ADK: variants seen among roughly 807,000 people sequenced by gnomAD.
ADK encodes the protein N6,N6-dimethyladenosine kinase.
Under a neutral mutation model 44.7 loss-of-function variants are expected in ADK, and 24 were observed. The ratio of observed to expected loss-of-function variants is 0.54; its 90% CI spans 0.39 to 0.76. The LOEUF (loss-of-function observed/expected upper bound fraction) is 0.76. ADK is among the 30% of genes least tolerant of loss of function. The pLI is 0.00. For synonymous variants in ADK, 128 were observed against 142.6 expected, an observed-to-expected ratio of 0.90 and a Z score of 0.73; for missense variants, 321 against 425.1, an observed-to-expected ratio of 0.76 and a Z score of 2.15.
intron 4 of ADK, among the ~76,000 whole-genome samples, chr10:74,363,071 C>T (rs1458436296): frequency 1.3e-5 from 2 of 152,204 alleles, no homozygotes; most frequent in Non-Finnish European, 2.9e-5. Flanking sequence ...CTCATTGGCT[C>T]AGATTAGCAT....
rs552003519 is a variant in ADK at position 74,599,960 on chromosome 10, G to A, written c.763-419G>A. On this transcript the variant is annotated intron_variant, in intron 8 of 10. Transcript: ENST00000539909. ...AAAACCTCTCTTTAATTGGGAATTT[G>A]AAAACTGCCTGGATATTTGCTGATA... is the stretch of plus-strand genomic sequence containing the variant. Among the ~76,000 whole-genome samples, 17 of 152,146 alleles carry A rather than the reference G, an allele frequency of 1.1e-4. No individual in the cohort carries two copies. The East Asian group carries it at 3.1e-3, about 28-fold the overall frequency.
chr10:74,699,168 T>TC (rs1856319594), intron 10 of ADK, among the ~76,000 whole-genome samples: 1 of 118,758 alleles, frequency 8.4e-6, no homozygotes, highest in African/African-American at 3.2e-5. Context: ...TTTTTTTTTT[T>TC]AATACCTGCA....
At chr10:74,247,132 G>T (rs1845444316) in intron 3 of ADK, among the ~76,000 whole-genome samples, 1 of 150,736 alleles carries the variant, frequency 6.6e-6, no homozygotes, top group Non-Finnish European at 1.5e-5. Context: ...AGCCCAGAGA[G>T]GTTAGTTTAG....
Position 74,294,288 on chromosome 10 carries a change from C to CT in ADK, c.195-20364dup, listed in dbSNP as rs1215680885. On this transcript the variant is annotated intron_variant, in intron 3 of 10. Transcript: ENST00000539909. ...TCATATGCACATATTTCTTTTCTTTCTTTTTTTTTTTTTTTGAGATGAAGT... is the reference window on the plus strand; with the variant it reads ...TCATATGCACATATTTCTTTTCTTTCTTTTTTTTTTTTTTTTGAGATGAAGT... 6.8e-3 allele frequency among the ~76,000 whole-genome samples: 991 copies of CT among 145,628 alleles called. 11 individuals carry two copies. The highest frequency in any genetic ancestry group is 0.022 in the African/African-American group (890 of 39,624).
intron 6 of ADK, among the ~76,000 whole-genome samples, chr10:74,470,648 G>A: frequency 1.8e-5 from 1 of 56,260 alleles, no homozygotes; most frequent in Non-Finnish European, 4.8e-5. Flanking sequence ...TCTTTCGGGG[G>A]TGAGGTGTTG....
At chr10:74,355,220 C>T (rs1564672088) in intron 4 of ADK, among the ~76,000 whole-genome samples, 1 of 152,188 alleles carries the variant, frequency 6.6e-6, no homozygotes, top group Non-Finnish European at 1.5e-5. Context: ...CCCAGCTTTT[C>T]TGCTAATGTT....
intron 9 of ADK, among the ~76,000 whole-genome samples, chr10:74,669,107 C>T (rs1157700911): frequency 6.6e-6 from 1 of 151,904 alleles, no homozygotes; most frequent in African/African-American, 2.4e-5. Flanking sequence ...TCAGTCATTC[C>T]AGGAGAGTAT....
chr10:74,557,909 T>C (rs1850320643), intron 7 of ADK, among the ~76,000 whole-genome samples: 1 of 152,150 alleles, frequency 6.6e-6, no homozygotes, highest in Non-Finnish European at 1.5e-5. Context: ...GTCTAAAAAC[T>C]TGGGGTCAGC....
At chr10:74,397,990 T>C (rs886969717) in intron 5 of ADK, among the ~76,000 whole-genome samples, 3 of 152,268 alleles carry the variant, frequency 2.0e-5, no homozygotes, top group African/African-American at 7.2e-5. Flanking sequence ...TTAGCGAATA[T>C]GGTCTACATT....
At chr10:74,328,528 C>T (rs547687498) in intron 4 of ADK, among the ~76,000 whole-genome samples, 2 of 152,134 alleles carry the variant, frequency 1.3e-5, no homozygotes, top group Admixed American at 6.5e-5. Context: ...TAGTTGTAAT[C>T]CCCATAATCC....
intron 4 of ADK, among the ~76,000 whole-genome samples, chr10:74,331,661 T>C: frequency 6.6e-6 from 1 of 152,144 alleles, no homozygotes; most frequent in Non-Finnish European, 1.5e-5. Flanking sequence ...ATTCTTTGTA[T>C]TTTTAATAGA....
chr10:74,472,535 A>G (rs569322240), intron 6 of ADK, among the ~76,000 whole-genome samples: 13 of 152,164 alleles, frequency 8.5e-5, no homozygotes, highest in African/African-American at 2.9e-4. Context: ...GTCTCATATA[A>G]TGTTCTACAA....
intron 1 of ADK, among the ~76,000 whole-genome samples, chr10:74,159,489 TG>T (rs758939162): frequency 1.9e-4 from 29 of 152,204 alleles, no homozygotes; most frequent in Non-Finnish European, 4.0e-4. Context: ...AGTGGTCACT[TG>T]GCTACTTGCC....
At chr10:74,611,291 T>C (rs1238211240) in intron 9 of ADK, among the ~76,000 whole-genome samples, 1 of 152,066 alleles carries the variant, frequency 6.6e-6, no homozygotes, top group Non-Finnish European at 1.5e-5. Context: ...TAGGCCTCCC[T>C]CCTAAAATGC....
At chr10:74,532,491 A>AC (rs1554877093) in intron 7 of ADK, among the ~76,000 whole-genome samples, 3 of 150,706 alleles carry the variant, frequency 2.0e-5, no homozygotes, top group South Asian at 2.1e-4. Context: ...AAAAAAAAAA[A>AC]CCCTTGGAAT....
chr10:74,240,372 T>TTGTGTGTG (rs142465407), intron 3 of ADK, among the ~76,000 whole-genome samples: 56,573 of 146,990 alleles, frequency 0.38, 12,001 homozygotes, highest in Middle Eastern at 0.51. Context: ...TCCTTTTATT[T>TTGTGTGTG]TGTGTGTGTG....
intron 7 of ADK, among the ~76,000 whole-genome samples, chr10:74,546,474 A>G (rs1347850256): frequency 6.6e-6 from 1 of 152,174 alleles, no homozygotes; most frequent in Non-Finnish European, 1.5e-5. Flanking sequence ...TTTATTTTAA[A>G]CAATGAGAAA....
intron 9 of ADK, among the ~76,000 whole-genome samples, chr10:74,603,375 T>TC (rs1852210873): frequency 6.6e-6 from 1 of 152,076 alleles, no homozygotes; most frequent in African/African-American, 2.4e-5. Flanking sequence ...ATCATCTACA[T>TC]TAGGCATTTC....
intron 4 of ADK, among the ~76,000 whole-genome samples, chr10:74,380,279 G>C (rs1487466500): frequency 6.6e-6 from 1 of 152,120 alleles, no homozygotes; most frequent in Non-Finnish European, 1.5e-5. Flanking sequence ...CATTAGATTG[G>C]ATTGACTGAC....
Sources: gnomAD v4.1 joint callset for allele counts (sites outside exome capture counted in the v4.1 genomes callset) on GRCh38, gnomAD v4.1.1 for gene constraint, MANE v1.5 for transcripts, NCBI Gene and HGNC (gene_info 2026-07-23, HGNC 2026-07-21) for gene names.